The following EDIL3 variants were observed in gnomAD, a reference collection of about 807,000 sequenced individuals.
EDIL3 encodes EGF-like repeat and discoidin I-like domain-containing protein 3.
Under a neutral mutation model 67.4 loss-of-function variants are expected in EDIL3, and 37 were observed. That is an observed-to-expected ratio of 0.55 (90% CI 0.42 to 0.72). The LOEUF is 0.72. Among genes scored for constraint, EDIL3 ranks in the 30% least tolerant of loss-of-function variants. The pLI is 0.00. For synonymous variants in EDIL3, 195 were observed against 196.3 expected (o/e 0.99, Z 0.05); for missense variants, 527 against 586.3 (o/e 0.90, Z 1.04).
chr5:84,093,750 C>T (rs1018300015), intron 6 of EDIL3, among the ~76,000 whole-genome samples: 2 of 150,782 alleles, frequency 1.3e-5, no homozygotes, highest in Admixed American at 1.3e-4. Context: ...ACTTCTGTAC[C>T]CCAGATTCAA....
In EDIL3 at chr5:83,942,577, A is replaced by T. The variant is rs1580243947; in HGVS notation, c.*842T>A. On this transcript the variant is annotated 3_prime_UTR_variant, in exon 11 of 11. Transcript: ENST00000296591. ...ATTTTTTGTTCTTTTGTGCAAACTG[A>T]GAGTATGGGATTCTTTATGAAGCAA... The T allele has an allele frequency of 6.6e-6, 1 of 152,056 alleles. No individual in the cohort carries two copies. Among genetic ancestry groups the T allele is most frequent in the Admixed American group, 6.6e-5 (1 of 15,238 alleles). The allele number at this position is 152,056 out of a possible 1,614,324, so 9.4% of individuals were successfully genotyped here. A position where few individuals can be genotyped will look rare whatever the true frequency, so the allele number is the denominator to read the frequency against.
At chr5:84,048,871 A>C (rs2301090) in intron 9 of EDIL3, among the ~76,000 whole-genome samples, 17,969 of 152,134 alleles carry the variant, frequency 0.12, 1,662 homozygotes, top group African/African-American at 0.25. Flanking sequence ...AAAATGAATC[A>C]GCATATTTCT....
At chr5:83,975,950 T>C (rs1188396917) in intron 9 of EDIL3, among the ~76,000 whole-genome samples, 4 of 151,912 alleles carry the variant, frequency 2.6e-5, no homozygotes, top group Non-Finnish European at 5.9e-5. Flanking sequence ...GCCTTTCCAA[T>C]TATGAATAAA....
chr5:84,009,077 G>T (rs545770711), intron 9 of EDIL3, among the ~76,000 whole-genome samples: 1 of 152,284 alleles, frequency 6.6e-6, no homozygotes, highest in South Asian at 2.1e-4. Flanking sequence ...CTCCCAAAGT[G>T]CTGGGATTAC....
At chr5:84,007,260 A>G (rs1488805613) in intron 9 of EDIL3, among the ~76,000 whole-genome samples, 1 of 152,190 alleles carries the variant, frequency 6.6e-6, no homozygotes, top group Non-Finnish European at 1.5e-5. Flanking sequence ...AACCAAAGCA[A>G]AAGTGGACAA....
intron 3 of EDIL3, among the ~76,000 whole-genome samples, chr5:84,201,375 A>C (rs1478106962): frequency 6.6e-6 from 1 of 152,088 alleles, no homozygotes; most frequent in African/African-American, 2.4e-5. Flanking sequence ...CTATGGATTT[A>C]TAAAGTATAG....
Position 83,945,900 on chromosome 5 carries a change from C to T in EDIL3, c.1294-2332G>A, listed in dbSNP as rs1192939278. On this transcript the variant is annotated intron_variant, in intron 10 of 10. Coordinates refer to ENST00000296591, the MANE Select transcript of EDIL3 (RefSeq NM_005711.5). Reference sequence around the variant, plus strand: ...GAAAATATATTTTTATTTTCAGAGGCCTCTCAGTAATGACACGTACAGAAC... The same window carrying T: ...GAAAATATATTTTTATTTTCAGAGGTCTCTCAGTAATGACACGTACAGAAC... Among the ~76,000 whole-genome samples, 9 of 151,920 alleles carry T rather than the reference C, an allele frequency of 5.9e-5. No homozygotes were observed. In the East Asian group the frequency reaches 1.6e-3, roughly 26 times the overall value.
At chr5:84,001,163 C>T in intron 9 of EDIL3, among the ~76,000 whole-genome samples, 1 of 152,150 alleles carries the variant, frequency 6.6e-6, no homozygotes, top group East Asian at 1.9e-4. Context: ...TCTCCTGCCT[C>T]AGCCTCCTAA....
In EDIL3 at chr5:84,133,611, A is replaced by AGT. The variant is rs548281908; in HGVS notation, c.469+3628_469+3629dup. On this transcript the variant is annotated intron_variant, in intron 5 of 10. Transcript: ENST00000296591. Reference sequence around the variant, plus strand: ...CACTACACTCCAGCCTGGGCGACAGAGTGAGACTCCATCTCAAAATAAAGA... The same window carrying AGT: ...CACTACACTCCAGCCTGGGCGACAGAGTGTGAGACTCCATCTCAAAATAAAGA... Among the ~76,000 whole-genome samples the AGT allele has an allele frequency of 1.7e-3, 253 of 152,148 alleles. 9 individuals carry two copies. In the South Asian group the frequency reaches 0.049, roughly 30 times the overall value.
At chr5:84,276,725 C>T (rs1286279721) in intron 1 of EDIL3, among the ~76,000 whole-genome samples, 1 of 152,054 alleles carries the variant, frequency 6.6e-6, no homozygotes, top group African/African-American at 2.4e-5. Context: ...CACACCACCA[C>T]GCTCGGCTAA....
chr5:84,041,055 C>T (rs1429275996), intron 9 of EDIL3, among the ~76,000 whole-genome samples: 2 of 151,656 alleles, frequency 1.3e-5, no homozygotes, highest in Admixed American at 1.3e-4. Flanking sequence ...CGCTTGAGTC[C>T]GGGAAGTGGG....
intron 1 of EDIL3, among the ~76,000 whole-genome samples, chr5:84,347,228 T>A (rs974127029): frequency 2.0e-4 from 30 of 152,196 alleles, no homozygotes; most frequent in Admixed American, 1.6e-3. Flanking sequence ...GTAAAGCTAT[T>A]CACATCTCAT....
intron 8 of EDIL3, 116 bp from the exon 9 acceptor site, chr5:84,060,600 G>T: frequency 1.8e-6 from 2 of 1,120,622 alleles, no homozygotes; most frequent in Non-Finnish European, 2.5e-6. Context: ...TTCCTCCAAA[G>T]AGAAAACATC....
chr5:84,312,679 G>A (rs980679460), intron 1 of EDIL3, among the ~76,000 whole-genome samples: 1 of 152,100 alleles, frequency 6.6e-6, no homozygotes, highest in Non-Finnish European at 1.5e-5. Flanking sequence ...CCAAGTAGGG[G>A]TGGCCAGGCA....
intron 9 of EDIL3, among the ~76,000 whole-genome samples, chr5:84,029,304 C>T (rs1320325269): frequency 6.6e-6 from 1 of 152,054 alleles, no homozygotes; most frequent in Non-Finnish European, 1.5e-5. Flanking sequence ...TTCCTCTGCA[C>T]AAGTTCTCTC....
intron 1 of EDIL3, among the ~76,000 whole-genome samples, chr5:84,320,272 G>A (rs991613786): frequency 7.9e-5 from 12 of 152,096 alleles, no homozygotes; most frequent in African/African-American, 1.4e-4. Flanking sequence ...GTATTCTAAA[G>A]ATGCTTTAGA....
intron 1 of EDIL3, among the ~76,000 whole-genome samples, chr5:84,319,853 G>C (rs1218468369): frequency 6.6e-6 from 1 of 152,116 alleles, no homozygotes; most frequent in Non-Finnish European, 1.5e-5. Context: ...CCCTTGCAGG[G>C]ACATGGATCA....
chr5:84,124,275 T>C (rs1318630155), intron 5 of EDIL3, among the ~76,000 whole-genome samples: 1 of 151,938 alleles, frequency 6.6e-6, no homozygotes, highest in Non-Finnish European at 1.5e-5. Flanking sequence ...AAGAACCAAG[T>C]AACAATATGT....
chr5:84,347,750 T>C (rs144206942), intron 1 of EDIL3, among the ~76,000 whole-genome samples: 7 of 152,250 alleles, frequency 4.6e-5, no homozygotes, highest in Non-Finnish European at 8.8e-5. Flanking sequence ...GAGAGGTATA[T>C]CACTAGTTTT....
Sources: allele counts gnomAD v4.1 joint callset (sites outside exome capture counted in the v4.1 genomes callset), GRCh38; gene constraint gnomAD v4.1.1; transcripts MANE v1.5; gene names NCBI Gene and HGNC (gene_info 2026-07-23, HGNC 2026-07-21).